The following DOCK9 variants were observed in gnomAD, a reference collection of about 807,000 sequenced individuals.
The protein encoded by DOCK9 is dedicator of cytokinesis 9.
DOCK9 carries 89 observed loss-of-function variants against 263.3 expected under a neutral mutation model. The observed-to-expected ratio is 0.34, with a 90% CI of 0.28 to 0.40. The LOEUF (loss-of-function observed/expected upper bound fraction) is 0.40, where lower values mean the gene tolerates loss of function less well. Among genes scored for constraint, DOCK9 ranks in the 10% least tolerant of loss-of-function variants. The pLI, the probability that DOCK9 is intolerant of heterozygous loss-of-function variation, is 1.00. For missense variants in DOCK9, 2,140 were observed against 2,603.4 expected (o/e 0.82, Z 3.87); for synonymous variants, 976 against 973.1 (o/e 1.00, Z -0.06).
chr13:99,087,532 G>A (rs1409447406), upstream of DOCK9, among the ~76,000 whole-genome samples: 1 of 152,184 alleles, frequency 6.6e-6, no homozygotes, highest in Non-Finnish European at 1.5e-5. Flanking sequence ...AGAGCTGGCG[G>A]CCGCTAGCGA....
At chr13:98,910,930 T>C (rs554356656) in intron 9 of DOCK9, among the ~76,000 whole-genome samples, 22 of 152,194 alleles carry the variant, frequency 1.4e-4, no homozygotes, top group African/African-American at 5.1e-4. Flanking sequence ...CCTAATGGGA[T>C]GACCAACAGT....
At chr13:98,922,221 G>A in intron 5 of DOCK9, 75 bp from the exon 6 acceptor site, 1 of 1,105,312 alleles carries the variant, frequency 9.0e-7, no homozygotes, top group South Asian at 1.4e-5. Flanking sequence ...TTGGTCAATG[G>A]GAAGGTCATT....
At chr13:98,838,683 C>T (rs1197273990) in intron 38 of DOCK9, among the ~76,000 whole-genome samples, 2 of 152,066 alleles carry the variant, frequency 1.3e-5, no homozygotes, top group Non-Finnish European at 2.9e-5. Flanking sequence ...AGCAGAAATA[C>T]ATATAGGGAT....
chr13:98,951,524 G>A lies in DOCK9; in HGVS notation c.243+3911C>T, dbSNP rs78115543. On this transcript the variant is annotated intron_variant, in intron 2 of 52. Transcript: ENST00000682017. ...CCAGCCCTTCTCAGGACCACAGCAC[G>A]GGGCGGGATGCCTGCGTGCAAGAAG... is the stretch of plus-strand genomic sequence containing the variant. Among the ~76,000 whole-genome samples, 1,202 of 152,332 alleles carry A rather than the reference G, an allele frequency of 7.9e-3. 15 individuals are homozygous for A. Among genetic ancestry groups the A allele is most frequent in the African/African-American group, 0.028 (1,159 of 41,574 alleles).
At chr13:98,968,360 C>T (rs144341947) in intron 1 of DOCK9, among the ~76,000 whole-genome samples, 1 of 152,130 alleles carries the variant, frequency 6.6e-6, no homozygotes, top group Non-Finnish European at 1.5e-5. Context: ...GTGGCTCATG[C>T]ATGTAATCCC....
chr13:98,925,631 C>T (rs748561416), intron 4 of DOCK9, among the ~76,000 whole-genome samples: 4 of 152,218 alleles, frequency 2.6e-5, no homozygotes, highest in Non-Finnish European at 4.4e-5. Context: ...AAACCATCCA[C>T]ATGTTTATTA....
chr13:98,817,338 A>G (rs1263290753), intron 45 of DOCK9, among the ~76,000 whole-genome samples: 1 of 151,558 alleles, frequency 6.6e-6, no homozygotes, highest in African/African-American at 2.4e-5. Flanking sequence ...CCTCCTAGCC[A>G]TGCTTCCTGT....
intron 1 of DOCK9, among the ~76,000 whole-genome samples, chr13:99,071,159 T>C (rs964376354): frequency 6.6e-6 from 1 of 152,106 alleles, no homozygotes; most frequent in African/African-American, 2.4e-5. Context: ...TTTTTGTTTT[T>C]TGACACAGGG....
chr13:98,865,500 A>T (rs1168465585), intron 30 of DOCK9, among the ~76,000 whole-genome samples: 1 of 152,206 alleles, frequency 6.6e-6, no homozygotes, highest in African/African-American at 2.4e-5. Flanking sequence ...TCTAAAAAAC[A>T]TTTATTCCTG....
At chr13:98,975,476 C>CACACACACAA (rs2060176283) in intron 1 of DOCK9, among the ~76,000 whole-genome samples, 1 of 108,556 alleles carries the variant, frequency 9.2e-6, no homozygotes, top group Non-Finnish European at 2.0e-5. Context: ...AACACATACA[C>CACACACACAA]ACACACACAC....
At chr13:98,803,284 C>G (rs763804805) in intron 49 of DOCK9, among the ~76,000 whole-genome samples, 3 of 152,216 alleles carry the variant, frequency 2.0e-5, no homozygotes, top group Admixed American at 6.5e-5. Context: ...ACCTGTAACC[C>G]TGGAGAAATG....
At chr13:99,020,166 G>T (rs1294685163) in intron 1 of DOCK9, among the ~76,000 whole-genome samples, 4 of 152,168 alleles carry the variant, frequency 2.6e-5, no homozygotes, top group African/African-American at 9.7e-5. Flanking sequence ...CACCCCATAG[G>T]TTGTCAAGTT....
At chr13:98,984,629 TTCA>T (rs760484712) in intron 1 of DOCK9, among the ~76,000 whole-genome samples, 2 of 152,190 alleles carry the variant, frequency 1.3e-5, no homozygotes, top group Non-Finnish European at 2.9e-5. Context: ...TGCAAAAGCT[TTCA>T]TCACTTCTTT....
At chr13:98,796,252 GT>G in intron 52 of DOCK9, 11 of 1,563,954 alleles carry the variant, frequency 7.0e-6, no homozygotes, top group Non-Finnish European at 9.6e-6. Context: ...AAGCAAGTGA[GT>G]TAAAGCTCAC....
rs536479829 is a variant in DOCK9, at chr13:98,793,729, C to G, written c.*897G>C. 6.5e-6 allele frequency: 1 copy of G among 152,742 alleles called. No homozygotes were observed. Among genetic ancestry groups the G allele is most frequent in the African/African-American group, 2.4e-5 (1 of 41,572 alleles). The allele number at this position is 152,742 out of a possible 1,614,324, so 9.5% of individuals were successfully genotyped here. A position where few individuals can be genotyped will look rare whatever the true frequency, so the allele number is the denominator to read the frequency against. On this transcript the variant is annotated 3_prime_UTR_variant, in exon 53 of 53. Coordinates refer to ENST00000682017, the MANE Select transcript of DOCK9 (RefSeq NM_001366683.2). ...TGGCAAAAGGATGAAATTCTTAAAA[C>G]TGTTTATAAACCTAATATAGTAAAG... is the stretch of plus-strand genomic sequence containing the variant.
At chr13:98,805,757 T>C (rs1185387405) in intron 48 of DOCK9, among the ~76,000 whole-genome samples, 2 of 152,140 alleles carry the variant, frequency 1.3e-5, no homozygotes, top group African/African-American at 2.4e-5. Flanking sequence ...TCCCATAACA[T>C]TGAATTATTT....
At chr13:99,007,562 T>A (rs902785836) in intron 1 of DOCK9, among the ~76,000 whole-genome samples, 3 of 152,172 alleles carry the variant, frequency 2.0e-5, no homozygotes, top group African/African-American at 7.2e-5. Context: ...TACTTCTGAA[T>A]ATCCATGAAA....
intron 2 of DOCK9, among the ~76,000 whole-genome samples, chr13:98,939,355 G>C (rs79375195): frequency 0.015 from 2,349 of 152,264 alleles, 29 homozygotes; most frequent in Non-Finnish European, 0.023. Context: ...GAGAAGCCCA[G>C]CAGGCCTCAG....
chr13:98,830,808 A>G (rs1366773038), intron 41 of DOCK9, among the ~76,000 whole-genome samples: 1 of 152,178 alleles, frequency 6.6e-6, no homozygotes, highest in Non-Finnish European at 1.5e-5. Flanking sequence ...CACGAATCCT[A>G]TGTGGACAAT....
Sources: allele counts gnomAD v4.1 joint callset (sites outside exome capture counted in the v4.1 genomes callset), GRCh38; gene constraint gnomAD v4.1.1; transcripts MANE v1.5; gene names NCBI Gene and HGNC (gene_info 2026-07-23, HGNC 2026-07-21).